RPIA: variants seen among roughly 807,000 people sequenced by gnomAD.
RPIA encodes ribose 5-phosphate isomerase A, also known as ribose-5-phosphate isomerase.
Under a neutral mutation model 37.8 loss-of-function variants are expected in RPIA, and 29 were observed. The observed-to-expected ratio is 0.77, with a 90% CI of 0.57 to 1.05. The LOEUF (loss-of-function observed/expected upper bound fraction) is 1.05, where lower values mean the gene tolerates loss of function less well. Ranked by LOEUF, RPIA falls within the 50% of genes least tolerant of loss-of-function variation. RPIA has a pLI of 0.00. For synonymous variants in RPIA, 167 were observed against 157.0 expected, an observed-to-expected ratio of 1.06 and a Z score of -0.48; for missense variants, 385 against 413.6, an observed-to-expected ratio of 0.93 and a Z score of 0.60.
intron 3 of RPIA, among the ~76,000 whole-genome samples, chr2:88,700,523 G>T (rs1204487032): frequency 6.6e-6 from 1 of 152,152 alleles, no homozygotes; most frequent in African/African-American, 2.4e-5. Flanking sequence ...GTGGTGGCTT[G>T]TACCTGTAGT....
At chr2:88,701,036 G>C (rs1338887048) in intron 3 of RPIA, among the ~76,000 whole-genome samples, 4 of 152,142 alleles carry the variant, frequency 2.6e-5, no homozygotes, top group Non-Finnish European at 5.9e-5. Flanking sequence ...CCTGCAACCA[G>C]CTCTGGTGAA....
At chr2:88,702,469 G>A (rs555865486) in intron 3 of RPIA, among the ~76,000 whole-genome samples, 49 of 152,210 alleles carry the variant, frequency 3.2e-4, no homozygotes, top group Non-Finnish European at 6.6e-4. Flanking sequence ...CAGAAAGCAA[G>A]GAGGAACAAG....
rs200093117 is a variant in RPIA, at chr2:88,714,166, TG to T, written c.402+14103del. ...TCTATCTGCTCATTTTTTGTTTTTT[TG>T]TTTGTTTGTTTGTTTGTTTTTTAGA... On this transcript the variant is annotated intron_variant, in intron 3 of 8. Coordinates refer to ENST00000283646, the MANE Select transcript of RPIA (RefSeq NM_144563.3). 9.8e-4 allele frequency among the ~76,000 whole-genome samples: 143 copies of T among 145,876 alleles called. 1 individual carries two copies. Among genetic ancestry groups the T allele is most frequent in the African/African-American group, 3.3e-3 (126 of 38,102 alleles).
At chr2:88,697,471 T>C (rs1672763958) in intron 1 of RPIA, among the ~76,000 whole-genome samples, 1 of 152,380 alleles carries the variant, frequency 6.6e-6, no homozygotes. Context: ...TGCATATTAG[T>C]TCCTGACTGT....
At chr2:88,693,428 C>G (rs1676970823) in intron 1 of RPIA, among the ~76,000 whole-genome samples, 1 of 152,194 alleles carries the variant, frequency 6.6e-6, no homozygotes, top group South Asian at 2.1e-4. Flanking sequence ...ATCATATATG[C>G]CCTTCAGGGT....
At chr2:88,718,345 C>CT (rs149027886) in intron 3 of RPIA, among the ~76,000 whole-genome samples, 5,278 of 152,168 alleles carry the variant, frequency 0.035, 315 homozygotes, top group African/African-American at 0.12. Context: ...ATAATAATTA[C>CT]TTTTTTTACA....
At chr2:88,741,422 G>GGT (rs145302196) in intron 8 of RPIA, among the ~76,000 whole-genome samples, 45 of 152,014 alleles carry the variant, frequency 3.0e-4, no homozygotes, top group African/African-American at 8.2e-4. Context: ...AGTATTCCAT[G>GGT]GTGTGTGTGT....
intron 3 of RPIA, among the ~76,000 whole-genome samples, chr2:88,700,803 A>T (rs1428221683): frequency 6.6e-6 from 1 of 152,196 alleles, no homozygotes; most frequent in African/African-American, 2.4e-5. Flanking sequence ...AGTGGAAGGG[A>T]AGACAGTTGC....
chr2:88,746,336 C>T (rs1349182681), intron 8 of RPIA, among the ~76,000 whole-genome samples: 2 of 152,182 alleles, frequency 1.3e-5, no homozygotes, highest in Non-Finnish European at 2.9e-5. Context: ...TGTAGAACCT[C>T]GTTTTGTCGT....
intron 7 of RPIA, among the ~76,000 whole-genome samples, chr2:88,737,070 C>T (rs1673323832): frequency 6.6e-6 from 1 of 152,106 alleles, no homozygotes; most frequent in South Asian, 2.1e-4. Context: ...TTCTTTTCTC[C>T]CTCTTCTTTC....
chr2:88,710,692 G>A (rs1476069249), intron 3 of RPIA, among the ~76,000 whole-genome samples: 1 of 152,156 alleles, frequency 6.6e-6, no homozygotes, highest in Non-Finnish European at 1.5e-5. Flanking sequence ...ATAAGATGAG[G>A]TGCTATAATT....
At chr2:88,721,311 C>A (rs1347187763) in intron 3 of RPIA, among the ~76,000 whole-genome samples, 1 of 151,494 alleles carries the variant, frequency 6.6e-6, no homozygotes, top group Non-Finnish European at 1.5e-5. Flanking sequence ...ATGTATATAC[C>A]TATGTAGCAA....
intron 4 of RPIA, among the ~76,000 whole-genome samples, chr2:88,729,609 C>T (rs572164680): frequency 2.1e-4 from 32 of 152,312 alleles, no homozygotes; most frequent in Middle Eastern, 3.4e-3. Flanking sequence ...ATATCCAGGG[C>T]TTCCTGAGGT....
At chr2:88,720,225 C>A (rs1254473306) in intron 3 of RPIA, among the ~76,000 whole-genome samples, 1 of 150,090 alleles carries the variant, frequency 6.7e-6, no homozygotes, top group African/African-American at 2.4e-5. Flanking sequence ...GATGTAATAA[C>A]CTTAATTTAA....
intron 3 of RPIA, among the ~76,000 whole-genome samples, chr2:88,700,908 T>C (rs1472350066): frequency 6.6e-6 from 1 of 152,170 alleles, no homozygotes; most frequent in Non-Finnish European, 1.5e-5. Context: ...TACTATGCAC[T>C]GGGGTAGGAG....
chr2:88,697,854 C>T (rs1000376539), intron 1 of RPIA, among the ~76,000 whole-genome samples: 2 of 152,094 alleles, frequency 1.3e-5, no homozygotes, highest in South Asian at 4.1e-4. Flanking sequence ...TACTTCAGGC[C>T]CTCCCTTTAT....
chr2:88,733,414 A>T (rs1673276647), intron 4 of RPIA, among the ~76,000 whole-genome samples: 1 of 152,176 alleles, frequency 6.6e-6, no homozygotes, highest in South Asian at 2.1e-4. Flanking sequence ...AGTAAGAACT[A>T]TGGGAAGGAC....
intron 3 of RPIA, among the ~76,000 whole-genome samples, chr2:88,715,326 G>A (rs1673020932): frequency 6.6e-6 from 1 of 152,184 alleles, no homozygotes; most frequent in South Asian, 2.1e-4. Context: ...CTTCAAACTG[G>A]TTGATGTCAA....
At chr2:88,725,229 A>G (rs1387171328) in intron 3 of RPIA, among the ~76,000 whole-genome samples, 1 of 152,246 alleles carries the variant, frequency 6.6e-6, no homozygotes, top group East Asian at 1.9e-4. Context: ...GGAGCACCAG[A>G]GGCTGCATAT....
Sources: gnomAD v4.1 joint callset for allele counts (sites outside exome capture counted in the v4.1 genomes callset) on GRCh38, gnomAD v4.1.1 for gene constraint, MANE v1.5 for transcripts, NCBI Gene and HGNC (gene_info 2026-07-23, HGNC 2026-07-21) for gene names.